CASK: variants seen among roughly 807,000 people sequenced by gnomAD.
CASK encodes the protein peripheral plasma membrane protein CASK.
A neutral mutation model predicts 82.9 loss-of-function variants in CASK; 4 were observed. That is an observed-to-expected ratio of 0.05 (90% CI 0.02 to 0.11). CASK has a LOEUF of 0.11. Among genes scored for constraint, CASK ranks in the 10% least tolerant of loss-of-function variants. The pLI is 1.00. For missense variants in CASK, 358 were observed against 720.9 expected (o/e 0.50, Z 5.76); for synonymous variants, 259 against 253.5 (o/e 1.02, Z -0.20).
At chrX:41,620,907 G>T (rs2066278578) in intron 11 of CASK, among the ~76,000 whole-genome samples, 1 of 111,962 alleles carries the variant, frequency 8.9e-6, no homozygotes, top group Non-Finnish European at 1.9e-5. Context: ...TATGTATTCT[G>T]TCAGCGTATA....
chrX:41,587,208 T>TAA (rs2065669941), intron 13 of CASK: 1 of 314,986 alleles, frequency 3.2e-6, no homozygotes, highest in African/African-American at 2.7e-5. Flanking sequence ...AACTATAACC[T>TAA]AAAAGGTTAT....
intron 5 of CASK, chrX:41,727,493 G>C: frequency 8.3e-7 from 1 of 1,209,088 alleles, no homozygotes; most frequent in Non-Finnish European, 1.1e-6. Flanking sequence ...AGAAAACTAT[G>C]CATTTACATA....
intron 4 of CASK, among the ~76,000 whole-genome samples, chrX:41,742,088 C>G (rs1191618072): frequency 9.0e-6 from 1 of 111,716 alleles, no homozygotes; most frequent in Non-Finnish European, 1.9e-5. Flanking sequence ...GCAGAAGAGA[C>G]CTTATCTCTG....
chrX:41,860,042 ATGTG>A (rs1020423499), intron 1 of CASK, among the ~76,000 whole-genome samples: 9 of 111,336 alleles, frequency 8.1e-5, no homozygotes, highest in Non-Finnish European at 1.7e-4. Flanking sequence ...TGTTATATTT[ATGTG>A]TGTGTATTCA....
intron 2 of CASK, among the ~76,000 whole-genome samples, chrX:41,832,191 A>C (rs982085458): frequency 9.0e-6 from 1 of 111,348 alleles, no homozygotes; most frequent in Non-Finnish European, 1.9e-5. Context: ...ATAACAAAGA[A>C]AACAATCTAC....
At chrX:41,889,914 G>A (rs948875632) in intron 1 of CASK, among the ~76,000 whole-genome samples, 2 of 111,604 alleles carry the variant, frequency 1.8e-5, no homozygotes, top group Non-Finnish European at 1.9e-5. Context: ...TGGCAAAATC[G>A]GTGGGGAAAA....
intron 5 of CASK, chrX:41,676,583 G>A (rs936796979): frequency 5.9e-6 from 4 of 676,530 alleles, no homozygotes; most frequent in Non-Finnish European, 8.7e-6. Flanking sequence ...CCGGGCCTGG[G>A]CTCTGGCCTG....
At chrX:41,832,750 T>C (rs934322326) in intron 2 of CASK, among the ~76,000 whole-genome samples, 1 of 112,226 alleles carries the variant, frequency 8.9e-6, no homozygotes, top group Admixed American at 9.4e-5. Context: ...TGTTATTTCA[T>C]ATATATTGTT....
intron 9 of CASK, among the ~76,000 whole-genome samples, chrX:41,630,523 G>A (rs1414132569): frequency 8.9e-6 from 1 of 111,823 alleles, no homozygotes; most frequent in Non-Finnish European, 1.9e-5. Context: ...AAAATAATTG[G>A]TTTTGTACCT....
chrX:41,798,159 T>C (rs777168576), intron 2 of CASK, among the ~76,000 whole-genome samples: 1 of 112,150 alleles, frequency 8.9e-6, no homozygotes, highest in Admixed American at 9.5e-5. Flanking sequence ...CTTTGGTTAA[T>C]TATTCAGGGG....
intron 3 of CASK, among the ~76,000 whole-genome samples, chrX:41,765,398 G>A (rs1278581593): frequency 8.9e-6 from 1 of 112,102 alleles, no homozygotes; most frequent in East Asian, 2.8e-4. Context: ...CAACATTTGA[G>A]GAAGGAATTT....
At chrX:41,729,749 C>CAAAAAAAAAA (rs1162361118) in intron 5 of CASK, 1 of 14,116 alleles carries the variant, frequency 7.1e-5, no homozygotes, top group Non-Finnish European at 1.2e-4. Context: ...GACTCTGTCT[C>CAAAAAAAAAA]AAAAAAAAAA....
intron 5 of CASK, among the ~76,000 whole-genome samples, chrX:41,702,513 T>C (rs764920330): frequency 8.9e-6 from 1 of 112,019 alleles, no homozygotes; most frequent in Non-Finnish European, 1.9e-5. Context: ...AACAAAATCT[T>C]TGCCAGGCGT....
At chrX:41,767,443 T>C (rs2069139495) in intron 3 of CASK, among the ~76,000 whole-genome samples, 1 of 111,781 alleles carries the variant, frequency 8.9e-6, no homozygotes, top group African/African-American at 3.2e-5. Context: ...AGTGTTATCA[T>C]CTTAGGTAAC....
intron 5 of CASK, among the ~76,000 whole-genome samples, chrX:41,703,892 C>T (rs1183579929): frequency 9.0e-6 from 1 of 111,722 alleles, no homozygotes; most frequent in African/African-American, 3.3e-5. Flanking sequence ...TTTTGCCAAT[C>T]TGGTAGGTAT....
intron 3 of CASK, among the ~76,000 whole-genome samples, chrX:41,768,235 T>C (rs779534565): frequency 5.4e-5 from 6 of 111,204 alleles, no homozygotes; most frequent in Non-Finnish European, 1.1e-4. Context: ...GTTTATCTTA[T>C]ATTTTCTCTT....
At chrX:41,672,442 G>A (rs1335064839) in intron 5 of CASK, among the ~76,000 whole-genome samples, 1 of 111,009 alleles carries the variant, frequency 9.0e-6, no homozygotes, top group African/African-American at 3.3e-5. Flanking sequence ...ACATCTGACC[G>A]GCTCTCAAAA....
intron 8 of CASK, among the ~76,000 whole-genome samples, chrX:41,648,638 G>A (rs191056743): frequency 2.7e-5 from 3 of 111,304 alleles, no homozygotes; most frequent in Admixed American, 1.9e-4. Context: ...CATGCCGGCC[G>A]ACGCTTAAGA....
intron 5 of CASK, among the ~76,000 whole-genome samples, chrX:41,686,361 G>T (rs1172378044): frequency 1.8e-5 from 2 of 110,248 alleles, no homozygotes; most frequent in Non-Finnish European, 3.8e-5. Flanking sequence ...AACATGCTGG[G>T]ATTACAGGCG....
Sources: allele counts gnomAD v4.1 joint callset (sites outside exome capture counted in the v4.1 genomes callset), GRCh38; gene constraint gnomAD v4.1.1; transcripts MANE v1.5; gene names NCBI Gene and HGNC (gene_info 2026-07-23, HGNC 2026-07-21).